CSMD3: variants seen among roughly 807,000 people sequenced by gnomAD.
CSMD3 encodes the protein CUB and Sushi multiple domains 3.
CSMD3 carries 177 observed loss-of-function variants against 435.2 expected under a neutral mutation model. The ratio of observed to expected loss-of-function variants is 0.41; its 90% CI spans 0.36 to 0.46. The LOEUF (loss-of-function observed/expected upper bound fraction) is 0.46. CSMD3 is among the 20% of genes least tolerant of loss of function. The probability of loss-of-function intolerance (pLI) is 0.34; values close to 1 mark genes in which losing one functional copy is unlikely to be tolerated. For synonymous variants in CSMD3, 1,656 were observed against 1,520.5 expected, an observed-to-expected ratio of 1.09 and a Z score of -2.07; for missense variants, 4,265 against 4,504.6, an observed-to-expected ratio of 0.95 and a Z score of 1.52.
intron 10 of CSMD3, among the ~76,000 whole-genome samples, chr8:112,877,394 G>A (rs966683360): frequency 2.3e-4 from 35 of 151,828 alleles, no homozygotes; most frequent in African/African-American, 8.5e-4. Context: ...GACTTCTTGA[G>A]TAGCTGGAAT....
chr8:113,153,105 GAA>G (rs879259918), intron 4 of CSMD3, among the ~76,000 whole-genome samples: 3 of 98,484 alleles, frequency 3.0e-5, no homozygotes, highest in African/African-American at 1.6e-4. Flanking sequence ...AGAAAGAAAA[GAA>G]AGAAAGAAAG....
chr8:113,340,243 A>G (rs1390585484), intron 1 of CSMD3, among the ~76,000 whole-genome samples: 1 of 152,116 alleles, frequency 6.6e-6, no homozygotes, highest in East Asian at 1.9e-4. Flanking sequence ...ATTAGAGTCA[A>G]TTATAAATTA....
At chr8:112,525,321 TAAATTTTATATATA>T (rs951499149) in intron 27 of CSMD3, among the ~76,000 whole-genome samples, 12 of 149,486 alleles carry the variant, frequency 8.0e-5, no homozygotes, top group African/African-American at 2.9e-4. Flanking sequence ...ATATACAAAA[TAAATTTTATATATA>T]AAATTTTATT....
intron 11 of CSMD3, among the ~76,000 whole-genome samples, chr8:112,835,149 A>T (rs1303842814): frequency 6.6e-6 from 1 of 151,890 alleles, no homozygotes; most frequent in Non-Finnish European, 1.5e-5. Context: ...GAAGTAAAAA[A>T]TCCATAGATA....
In CSMD3 at chr8:112,578,706, G is replaced by A. The variant is rs186107694; in HGVS notation, c.3886-5049C>T. 4.2e-4 allele frequency among the ~76,000 whole-genome samples: 64 copies of A among 152,118 alleles called. 1 individual carries two copies. Among genetic ancestry groups the A allele is most frequent in the African/African-American group, 1.5e-3 (62 of 41,510 alleles). ...GATATTGACAAACTTTTTCTAAGAA[G>A]GGTTAGATAATAAAATTTGAGGCTT... On this transcript the variant is annotated intron_variant, in intron 23 of 70. Transcript: ENST00000297405.
intron 17 of CSMD3, among the ~76,000 whole-genome samples, chr8:112,663,310 A>C (rs1283900843): frequency 6.6e-6 from 1 of 152,116 alleles, no homozygotes; most frequent in Non-Finnish European, 1.5e-5. Context: ...GCAGCCATAA[A>C]AAATGATGAG....
chr8:113,146,847 T>G (rs923947215), intron 4 of CSMD3, among the ~76,000 whole-genome samples: 2 of 151,668 alleles, frequency 1.3e-5, no homozygotes, highest in Non-Finnish European at 3.0e-5. Context: ...CCAGAAATAC[T>G]GAGGTATAAG....
At chr8:112,615,126 CTG>C (rs1173356429) in intron 22 of CSMD3, among the ~76,000 whole-genome samples, 1 of 152,058 alleles carries the variant, frequency 6.6e-6, no homozygotes, top group Non-Finnish European at 1.5e-5. Context: ...ATTTTTAAGT[CTG>C]TATTTCGTGA....
intron 13 of CSMD3, among the ~76,000 whole-genome samples, chr8:112,702,481 T>C (rs150860178): frequency 6.6e-6 from 1 of 152,252 alleles, no homozygotes; most frequent in African/African-American, 2.4e-5. Flanking sequence ...ATTTAAATTG[T>C]ATAGTTGTCT....
At chr8:112,747,199 T>C (rs2077450141) in intron 13 of CSMD3, among the ~76,000 whole-genome samples, 1 of 114,382 alleles carries the variant, frequency 8.7e-6, no homozygotes, top group African/African-American at 3.2e-5. Context: ...TTTTTTTTTT[T>C]TTTTTTTTTT....
intron 5 of CSMD3, among the ~76,000 whole-genome samples, chr8:113,031,984 T>G (rs947802586): frequency 2.6e-5 from 4 of 151,658 alleles, no homozygotes; most frequent in African/African-American, 9.7e-5. Context: ...CCTGCTGCCC[T>G]GTAAGAAAGC....
intron 5 of CSMD3, among the ~76,000 whole-genome samples, chr8:113,064,787 T>C (rs2088782235): frequency 6.6e-6 from 1 of 152,156 alleles, no homozygotes; most frequent in Non-Finnish European, 1.5e-5. Context: ...TTTTCTTTTC[T>C]TTTATTTATT....
chr8:112,580,757 G>C (rs1449253883), intron 23 of CSMD3, among the ~76,000 whole-genome samples: 1 of 152,066 alleles, frequency 6.6e-6, no homozygotes, highest in African/African-American at 2.4e-5. Context: ...GCTGACTTCA[G>C]ACCAAGTAGC....
At chr8:112,978,828 C>T (rs1307845959) in intron 6 of CSMD3, among the ~76,000 whole-genome samples, 1 of 151,898 alleles carries the variant, frequency 6.6e-6, no homozygotes, top group African/African-American at 2.4e-5. Flanking sequence ...ACTGCTGAAT[C>T]CCTAGCTCCT....
chr8:112,326,380 G>T (rs564218262), intron 45 of CSMD3, among the ~76,000 whole-genome samples: 6 of 152,160 alleles, frequency 3.9e-5, no homozygotes, highest in Non-Finnish European at 4.4e-5. Context: ...TAACCAGACT[G>T]ATGGTTCAAA....
intron 12 of CSMD3, among the ~76,000 whole-genome samples, chr8:112,803,364 G>A (rs1309301220): frequency 1.3e-5 from 2 of 152,044 alleles, no homozygotes; most frequent in African/African-American, 2.4e-5. Flanking sequence ...AACTTCTTTC[G>A]CTGATAATGA....
At chr8:113,158,366 A>G (rs1396298952) in intron 4 of CSMD3, among the ~76,000 whole-genome samples, 1 of 152,100 alleles carries the variant, frequency 6.6e-6, no homozygotes, top group Non-Finnish European at 1.5e-5. Flanking sequence ...GATAAGGTTC[A>G]TGAAGTACAT....
chr8:112,350,785 T>A (rs1410918522), intron 40 of CSMD3, among the ~76,000 whole-genome samples: 1 of 152,084 alleles, frequency 6.6e-6, no homozygotes, highest in African/African-American at 2.4e-5. Flanking sequence ...GGTGTCATAC[T>A]CCTTTTGCTA....
intron 4 of CSMD3, among the ~76,000 whole-genome samples, chr8:113,121,272 A>G (rs1464251532): frequency 2.6e-5 from 4 of 152,124 alleles, no homozygotes; most frequent in African/African-American, 9.7e-5. Context: ...TGCACAATCA[A>G]CTGTGTTAAA....
Sources: allele counts gnomAD v4.1 joint callset (sites outside exome capture counted in the v4.1 genomes callset), GRCh38; gene constraint gnomAD v4.1.1; transcripts MANE v1.5; gene names NCBI Gene and HGNC (gene_info 2026-07-23, HGNC 2026-07-21).